The following JADE2 variants were observed in gnomAD, a reference collection of about 807,000 sequenced individuals.
The protein encoded by JADE2 is jade family PHD finger 2.
A neutral mutation model predicts 85.7 loss-of-function variants in JADE2; 13 were observed. The ratio of observed to expected loss-of-function variants is 0.15; its 90% CI spans 0.10 to 0.24. The LOEUF (loss-of-function observed/expected upper bound fraction) is 0.24. Among genes scored for constraint, JADE2 ranks in the 10% least tolerant of loss-of-function variants. The probability of loss-of-function intolerance (pLI) is 1.00; values close to 1 mark genes in which losing one functional copy is unlikely to be tolerated. For missense variants in JADE2, 846 were observed against 1,115.9 expected (o/e 0.76, Z 3.45); for synonymous variants, 440 against 456.1 (o/e 0.96, Z 0.45).
In JADE2 at chr5:134,579,583, G is replaced by T. The variant is rs1764600267; in HGVS notation, c.*266G>T. 1 of 439,220 alleles carries T rather than the reference G, an allele frequency of 2.3e-6. No individual in the cohort carries two copies. Among genetic ancestry groups the T allele is most frequent in the South Asian group, 4.6e-5 (1 of 21,616 alleles). 27.2% of individuals were successfully genotyped at this position (439,220 alleles called of 1,614,324 possible). A position where few individuals can be genotyped will look rare whatever the true frequency, so the allele number is the denominator to read the frequency against. On this transcript the variant is annotated 3_prime_UTR_variant, in exon 12 of 12. Transcript: ENST00000681547. The surrounding 1 kb of genome is among the most constrained non-coding windows in gnomAD (Gnocchi z 4.6). The stretch of plus-strand genomic sequence containing the variant: ...CGCACCATCCCTGCCCTGCCCACGT[G>T]GTATTGCTGGGCTCCTGGCTAGATG...
At chr5:134,528,232 T>C (rs1424016746) in intron 1 of JADE2, among the ~76,000 whole-genome samples, 1 of 152,128 alleles carries the variant, frequency 6.6e-6, no homozygotes, top group Non-Finnish European at 1.5e-5. Flanking sequence ...CCTTCACTGG[T>C]AAAATTCCCA....
Position 134,535,921 on chromosome 5 carries a change from G to C in JADE2, c.58+6G>C, listed in dbSNP as rs374578005. The C allele has an allele frequency of 1.8e-4, 287 of 1,613,308 alleles. No individual in the cohort carries two copies. The highest frequency in any genetic ancestry group is 2.3e-4 in the Non-Finnish European group (276 of 1,179,410). ...CAACTCTGACACCACTGACAGTAAG[G>C]CCTTCCAGTTTGGGCTCCTACAGGG... On this transcript the variant is annotated splice_donor_region_variant and intron_variant, in intron 2 of 11. Coordinates refer to ENST00000681547, the MANE Select transcript of JADE2 (RefSeq NM_001388185.1).
chr5:134,573,599 G>A (rs766052960), intron 9 of JADE2, 46 bp from the exon 10 acceptor site: 1 of 1,376,812 alleles, frequency 7.3e-7, no homozygotes, highest in Non-Finnish European at 1.0e-6. Flanking sequence ...GGAGGTCTGG[G>A]GTGGTTGCCT....
intron 4 of JADE2, among the ~76,000 whole-genome samples, chr5:134,558,587 G>C (rs1340791345): frequency 6.6e-6 from 1 of 152,238 alleles, no homozygotes; most frequent in African/African-American, 2.4e-5. Flanking sequence ...TGCCCAGGCT[G>C]GAGTGCAGTG....
intron 4 of JADE2, among the ~76,000 whole-genome samples, chr5:134,556,885 A>G (rs1391807490): frequency 6.8e-6 from 1 of 147,318 alleles, no homozygotes; most frequent in Non-Finnish European, 1.5e-5. Flanking sequence ...CACATCACAC[A>G]AAACACACCC....
At chr5:134,526,204 T>C (rs985124139) in intron 1 of JADE2, 193 bp downstream of exon 1, 65 of 984,800 alleles carry the variant, frequency 6.6e-5, no homozygotes, top group Non-Finnish European at 7.0e-5. Flanking sequence ...GGGAGAGAGA[T>C]TGCGCATGTT....
At chr5:134,529,231 G>A (rs1008869490) in intron 1 of JADE2, among the ~76,000 whole-genome samples, 1 of 152,160 alleles carries the variant, frequency 6.6e-6, no homozygotes, top group Non-Finnish European at 1.5e-5. Context: ...GGGAGAACAG[G>A]TCAGAGTTGG....
chr5:134,570,786 C>G (rs1477945189), intron 9 of JADE2, among the ~76,000 whole-genome samples: 1 of 152,192 alleles, frequency 6.6e-6, no homozygotes, highest in Non-Finnish European at 1.5e-5. Flanking sequence ...CATTGCTCTC[C>G]CCTGACTGCT....
upstream of JADE2, among the ~76,000 whole-genome samples, chr5:134,525,479 C>T (rs1466525164): frequency 6.8e-6 from 1 of 147,932 alleles, no homozygotes; most frequent in Non-Finnish European, 1.5e-5. Context: ...GACTCCCCGC[C>T]GGAGCCAAAC....
At chr5:134,527,713 C>G (rs1437381554) in intron 1 of JADE2, among the ~76,000 whole-genome samples, 3 of 151,952 alleles carry the variant, frequency 2.0e-5, no homozygotes, top group African/African-American at 7.2e-5. Flanking sequence ...CGCGGACTGC[C>G]TCCAGGGGCG....
At chr5:134,537,929 C>A in intron 2 of JADE2, 60 bp from the exon 3 acceptor site, 1 of 1,242,824 alleles carries the variant, frequency 8.0e-7, no homozygotes, top group Non-Finnish European at 1.2e-6. Flanking sequence ...TATTCTTGGG[C>A]ATGAGTGGGT....
In JADE2 at chr5:134,566,544, G is replaced by A. The variant is rs150529483; in HGVS notation, c.1398G>A (p.Leu466=). Residue 466 remains leucine, a synonymous_variant, in exon 9 of 12, where the codon CTG becomes CTA. Transcript: ENST00000681547. The surrounding 1 kb of genome is among the most constrained non-coding windows in gnomAD (Gnocchi z 6.7). The part of the protein sequence containing the change: ...QQEQDVLYRR[L]KLFTHLRQDL... ...AGCAGGACGTCCTCTACCGCCGCCT[G>A]AAGCTCTTCACCCATCTGCGGCAGG... 5.7e-5 allele frequency: 90 copies of A among 1,580,506 alleles called. No homozygotes were observed. Among genetic ancestry groups the A allele is most frequent in the African/African-American group, 3.2e-4 (24 of 74,002 alleles).
chr5:134,560,759 G>A lies in JADE2; in HGVS notation c.486G>A (p.Leu162=). 2 of 1,613,678 alleles carry A rather than the reference G, an allele frequency of 1.2e-6. No individual in the cohort carries two copies. The highest frequency in any genetic ancestry group is 1.1e-5 in the South Asian group (1 of 91,018). Residue 162 remains leucine (L), a synonymous_variant, in exon 6 of 12, where the codon CTG becomes CTA. Coordinates refer to ENST00000681547, the MANE Select transcript of JADE2 (RefSeq NM_001388185.1). The part of the protein sequence containing the change: ...SELKEMERPE[L]DELTLERVLE... ...TCCTCCTCACAGAGAGGCCGGAGCT[G>A]GACGAGCTGACATTAGAGCGTGTGC... is the stretch of plus-strand genomic sequence containing the variant.
chr5:134,556,525 T>C (rs1434095882), intron 4 of JADE2, among the ~76,000 whole-genome samples: 30 of 40,098 alleles, frequency 7.5e-4, no homozygotes, highest in South Asian at 2.0e-3. Context: ...ACACAACACA[T>C]ACACACACAC....
Position 134,579,033 on chromosome 5 carries a change from G to A in JADE2, c.2221G>A (p.Gly741Ser). The A allele has an allele frequency of 6.2e-7, 1 of 1,613,970 alleles. No homozygotes were observed. The highest frequency in any genetic ancestry group is 8.5e-7 in the Non-Finnish European group (1 of 1,180,028). ...TGCTGACTCAGATGTCCAAGTGCCTGGCCCTGCAGCAAGCCCTAAGCCTTT... is the reference window on the plus strand; with the variant it reads ...TGCTGACTCAGATGTCCAAGTGCCTAGCCCTGCAGCAAGCCCTAAGCCTTT... ...VAADSDVQVP[G>S]PAASPKPLGR... The change falls in exon 12 of 12, where the codon GGC becomes AGC. Residue 741 changes from glycine to serine, a missense_variant. Around this residue, in one of 9 missense-constraint regions of JADE2, gnomAD observed 300 missense variants for 300.7 expected, o/e 1.00. Transcript: ENST00000681547. The surrounding 1 kb of genome is among the most constrained non-coding windows in gnomAD (Gnocchi z 4.6).
At position 134,582,032 on chromosome 5, in the gene JADE2, TTCTC is replaced by T. The variant is rs978626832; in HGVS notation, c.*2718_*2721del. 3 of 152,144 alleles carry T rather than the reference TTCTC, an allele frequency of 2.0e-5. No individual in the cohort carries two copies. Among genetic ancestry groups the T allele is most frequent in the Non-Finnish European group, 4.4e-5 (3 of 68,030 alleles). The allele number at this position is 152,144 out of a possible 1,614,324, so 9.4% of individuals were successfully genotyped here. A position where few individuals can be genotyped will look rare whatever the true frequency, so the allele number is the denominator to read the frequency against. On this transcript the variant is annotated 3_prime_UTR_variant, in exon 12 of 12. Coordinates refer to ENST00000681547, the MANE Select transcript of JADE2 (RefSeq NM_001388185.1). ...CCAGGTCAGAGGTGGAGGTAGATCT[TTCTC>T]TCAACCACATCTGCCTCCACACACA...
At chr5:134,569,170 C>T (rs537214893) in intron 9 of JADE2, among the ~76,000 whole-genome samples, 13 of 152,298 alleles carry the variant, frequency 8.5e-5, no homozygotes, top group African/African-American at 3.1e-4. Context: ...CCATTGTTGG[C>T]CGTGATTGTT....
intron 3 of JADE2, 47 bp from the exon 4 acceptor site, chr5:134,552,005 G>A: frequency 1.2e-6 from 2 of 1,605,010 alleles, no homozygotes; most frequent in South Asian, 1.1e-5. Context: ...GGGGCAGACT[G>A]CCCTGAGGCA....
chr5:134,552,344 A>T (rs1026898080), intron 4 of JADE2, 135 bp downstream of exon 4: 3 of 845,282 alleles, frequency 3.5e-6, no homozygotes, highest in Non-Finnish European at 5.4e-6. Flanking sequence ...TCCCTTTTCC[A>T]ACAAACCATT....
Sources: allele counts gnomAD v4.1 joint callset (sites outside exome capture counted in the v4.1 genomes callset), GRCh38; gene constraint gnomAD v4.1.1; regional missense constraint gnomAD v4.1.1; non-coding constraint Gnocchi (gnomAD v3.1); transcripts MANE v1.5; gene names NCBI Gene and HGNC (gene_info 2026-07-23, HGNC 2026-07-21).